FREM1: variants seen among roughly 807,000 people sequenced by gnomAD.
The protein encoded by FREM1 is FRAS1-related extracellular matrix protein 1.
Under a neutral mutation model 210.1 loss-of-function variants are expected in FREM1, and 220 were observed. The ratio of observed to expected loss-of-function variants is 1.05; its 90% CI spans 0.94 to 1.17. The LOEUF is 1.17. FREM1 is among the 50% of genes most tolerant of loss of function. The pLI is 0.00. For synonymous variants in FREM1, 1,189 were observed against 980.2 expected, an observed-to-expected ratio of 1.21 and a Z score of -3.98; for missense variants, 3,454 against 2,675.5, an observed-to-expected ratio of 1.29 and a Z score of -6.42.
rs1818437992 is a variant in FREM1, at chr9:14,806,704, G to C, written c.3231C>G (p.Leu1077=). ...PPQFGYLENI[L]PSVGFEKSNI... Reference sequence around the variant, plus strand: ...TGCTTTTTTCAAAACCCACAGAAGGGAGTATATTTTCGAGGTAGCCAAACT... The same window carrying C: ...TGCTTTTTTCAAAACCCACAGAAGGCAGTATATTTTCGAGGTAGCCAAACT... The change falls in exon 18 of 37, where the codon CTC becomes CTG. Residue 1077 remains leucine, a synonymous_variant. Coordinates refer to ENST00000380880, the MANE Select transcript of FREM1 (RefSeq NM_001379081.2). 1 of 1,603,046 alleles carries C rather than the reference G, an allele frequency of 6.2e-7. No individual in the cohort carries two copies. Among genetic ancestry groups the C allele is most frequent in the Non-Finnish European group, 8.5e-7 (1 of 1,174,412 alleles).
At chr9:14,864,122 G>C (rs954304500) in intron 2 of FREM1, among the ~76,000 whole-genome samples, 2 of 152,146 alleles carry the variant, frequency 1.3e-5, no homozygotes, top group African/African-American at 4.8e-5. Flanking sequence ...TATCTAAGTT[G>C]TGAAAACCAA....
In FREM1 at chr9:14,825,547, G is replaced by GTGTGTGTGTATATATATATATATATATA; in HGVS notation, c.1882-556_1882-555insTATATATATATATATATATACACACACA. Among the ~76,000 whole-genome samples the GTGTGTGTGTATATATATATATATATATA allele has an allele frequency of 1.0e-3, 79 of 75,816 alleles. 1 individual carries two copies. The highest frequency in any genetic ancestry group is 2.9e-3 in the South Asian group (6 of 2,062). 49.7% of individuals were successfully genotyped at this position (75,816 alleles called of 152,430 possible). ...CATATATATATATATGTGTGTGTGTGTATATATATATATATATATATATAC... is the reference window on the plus strand; with the variant it reads ...CATATATATATATATGTGTGTGTGTGTGTGTGTGTATATATATATATATATATATATATATATATATATATATATATAC... On this transcript the variant is annotated intron_variant, in intron 10 of 36. Transcript: ENST00000380880.
intron 14 of FREM1, among the ~76,000 whole-genome samples, chr9:14,817,840 C>T (rs1044085068): frequency 1.3e-5 from 2 of 152,114 alleles, no homozygotes; most frequent in Admixed American, 1.3e-4. Flanking sequence ...TCACGCACTA[C>T]CCGCTATGCT....
At chr9:14,838,972 T>A (rs1825148330) in intron 10 of FREM1, among the ~76,000 whole-genome samples, 1 of 152,168 alleles carries the variant, frequency 6.6e-6, no homozygotes, top group Non-Finnish European at 1.5e-5. Context: ...GGAGAGGGAC[T>A]AAGACAAAGT....
chr9:14,847,430 G>GGAAGGAAGGAAGGAAGGAAGGAAGGC (rs1285522833), intron 7 of FREM1, among the ~76,000 whole-genome samples: 1 of 30,184 alleles, frequency 3.3e-5, no homozygotes, highest in Non-Finnish European at 7.0e-5. Flanking sequence ...GGAAGGAAGG[G>GGAAGGAAGGAAGGAAGGAAGGAAGGC]AGGGAGGGAG....
intron 36 of FREM1, among the ~76,000 whole-genome samples, chr9:14,739,463 T>TATATATATATATATATAAAATTC (rs58425457): frequency 7.2e-6 from 1 of 138,326 alleles, no homozygotes; most frequent in African/African-American, 2.7e-5. Flanking sequence ...TATATATATA[T>TATATATATATATATATAAAATTC]ATATATATAT....
At chr9:14,840,500 G>A (rs375523264) in intron 10 of FREM1, among the ~76,000 whole-genome samples, 40 of 152,252 alleles carry the variant, frequency 2.6e-4, no homozygotes, top group Middle Eastern at 3.4e-3. Context: ...GAGAGAGAGC[G>A]CGCAAGCTTG....
intron 19 of FREM1, among the ~76,000 whole-genome samples, chr9:14,803,894 C>A (rs776577476): frequency 6.6e-6 from 1 of 152,150 alleles, no homozygotes; most frequent in Non-Finnish European, 1.5e-5. Flanking sequence ...TAGGACCTTG[C>A]CTTTTTCTCC....
At chr9:14,853,208 C>CA (rs1191464913) in intron 5 of FREM1, among the ~76,000 whole-genome samples, 7 of 151,466 alleles carry the variant, frequency 4.6e-5, no homozygotes, top group East Asian at 1.9e-4. Context: ...TGGCTGGAAG[C>CA]AAAAAAAATG....
chr9:14,859,565 A>C, intron 3 of FREM1, 81 bp from the exon 4 acceptor site: 1 of 1,224,162 alleles, frequency 8.2e-7, no homozygotes, highest in South Asian at 1.6e-5. Flanking sequence ...GGAAGACTAA[A>C]GATTGGCCTT....
chr9:14,747,426 A>G lies in FREM1; in HGVS notation c.5847T>C (p.Tyr1949=), dbSNP rs769901416. The G allele has an allele frequency of 6.2e-7, 1 of 1,612,430 alleles. No individual in the cohort carries two copies. Among genetic ancestry groups the G allele is most frequent in the Non-Finnish European group, 8.5e-7 (1 of 1,179,254 alleles). Residue 1949 remains tyrosine, a splice_region_variant and synonymous_variant, in exon 33 of 37, where the codon TAT becomes TAC. Transcript: ENST00000380880. ...CCAGTTTCAAGGAAACTATCCCATG[A>G]TACTTGAGGAAACCAACAATCAACA... ...YRNGTDIIYN[Y]HGIVSLKLED... is the part of the protein sequence containing the mutation.
chr9:14,832,757 G>T (rs868647055), intron 10 of FREM1, among the ~76,000 whole-genome samples: 6 of 152,104 alleles, frequency 3.9e-5, no homozygotes, highest in African/African-American at 1.2e-4. Context: ...TTCTCTCCCT[G>T]TGCAAACCTG....
At chr9:14,822,871 C>T (rs935677375) in intron 13 of FREM1, among the ~76,000 whole-genome samples, 2 of 152,054 alleles carry the variant, frequency 1.3e-5, no homozygotes, top group African/African-American at 4.8e-5. Flanking sequence ...TTGATCAACA[C>T]GTGAAACTCA....
At chr9:14,825,945 C>G (rs1479153171) in intron 10 of FREM1, among the ~76,000 whole-genome samples, 1 of 152,056 alleles carries the variant, frequency 6.6e-6, no homozygotes, top group Non-Finnish European at 1.5e-5. Flanking sequence ...CTTTTCATAC[C>G]TCGTGTTATC....
chr9:14,756,507 G>A, intron 28 of FREM1, 61 bp from the exon 29 acceptor site: 1 of 1,189,244 alleles, frequency 8.4e-7, no homozygotes, highest in Non-Finnish European at 1.2e-6. Flanking sequence ...TAGAGAAACA[G>A]CTATTCTCCC....
chr9:14,823,834 A>G (rs1821825259), intron 12 of FREM1, among the ~76,000 whole-genome samples, 191 bp downstream of exon 12: 1 of 152,220 alleles, frequency 6.6e-6, no homozygotes, highest in African/African-American at 2.4e-5. Flanking sequence ...TTGTGAAACC[A>G]TATTCAACTT....
intron 10 of FREM1, among the ~76,000 whole-genome samples, chr9:14,839,630 A>G: frequency 6.6e-6 from 1 of 152,230 alleles, no homozygotes; most frequent in Non-Finnish European, 1.5e-5. Context: ...ATTTGCCCAG[A>G]TTCAGAAATA....
In FREM1 at chr9:14,737,214, G is replaced by A; in HGVS notation, c.*182C>T. The A allele has an allele frequency of 1.9e-6, 1 of 527,748 alleles. No homozygotes were observed. Among genetic ancestry groups the A allele is most frequent in the Admixed American group, 3.4e-5 (1 of 29,328 alleles). 32.7% of individuals were successfully genotyped at this position (527,748 alleles called of 1,614,324 possible). A position where few individuals can be genotyped will look rare whatever the true frequency, so the allele number is the denominator to read the frequency against. On this transcript the variant is annotated 3_prime_UTR_variant, in exon 37 of 37. Coordinates refer to ENST00000380880, the MANE Select transcript of FREM1 (RefSeq NM_001379081.2). ...AGATACAAAAATTGTATCTTATCTT[G>A]TAAAAAATATTTATTTATCAATCTT...
At position 14,807,099 on chromosome 9, in the gene FREM1, G is replaced by A. The variant is rs537224597; in HGVS notation, c.3089-253C>T. On this transcript the variant is annotated intron_variant, in intron 17 of 36. Coordinates refer to ENST00000380880, the MANE Select transcript of FREM1 (RefSeq NM_001379081.2). The stretch of plus-strand genomic sequence containing the variant: ...CAGGCAAGTCAGAAGATAACAGAAA[G>A]CCAGCAGAAATACTAACTGTTCCAG... 5.3e-5 allele frequency among the ~76,000 whole-genome samples: 8 copies of A among 152,276 alleles called. No individual in the cohort carries two copies. In the South Asian group the frequency reaches 1.0e-3, roughly 20 times the overall value.
Sources: gnomAD v4.1 joint callset for allele counts (sites outside exome capture counted in the v4.1 genomes callset) on GRCh38, gnomAD v4.1.1 for gene constraint, MANE v1.5 for transcripts, NCBI Gene and HGNC (gene_info 2026-07-23, HGNC 2026-07-21) for gene names.